Variants in ANKRD44 observed in about 807,000 individuals in gnomAD.
The protein encoded by ANKRD44 is ankyrin repeat domain 44, also known as serine/threonine-protein phosphatase 6 regulatory ankyrin repeat subunit B.
ANKRD44 carries 35 observed loss-of-function variants against 116.0 expected under a neutral mutation model. The ratio of observed to expected loss-of-function variants is 0.30; its 90% CI spans 0.23 to 0.40. ANKRD44 has a LOEUF of 0.40. Among genes scored for constraint, ANKRD44 ranks in the 10% least tolerant of loss-of-function variants. The pLI, the probability that ANKRD44 is intolerant of heterozygous loss-of-function variation, is 1.00. For synonymous variants in ANKRD44, 435 were observed against 461.8 expected (o/e 0.94, Z 0.74); for missense variants, 1,014 against 1,242.6 (o/e 0.82, Z 2.77).
chr2:197,153,685 T>G (rs530417488), intron 2 of ANKRD44, among the ~76,000 whole-genome samples: 45 of 152,376 alleles, frequency 3.0e-4, no homozygotes, highest in Non-Finnish European at 6.2e-4. Flanking sequence ...GTCCCATATG[T>G]GCCCACCAGC....
At chr2:197,156,953 TG>T (rs1394064197) in intron 2 of ANKRD44, among the ~76,000 whole-genome samples, 1 of 152,082 alleles carries the variant, frequency 6.6e-6, no homozygotes, top group Non-Finnish European at 1.5e-5. Flanking sequence ...AGGGAGAGAC[TG>T]GGAGGGGTAG....
At chr2:196,979,554 CT>C (rs71012942) in intron 21 of ANKRD44, among the ~76,000 whole-genome samples, 31,177 of 59,156 alleles carry the variant, frequency 0.53, 8,609 homozygotes, top group Middle Eastern at 0.7. Flanking sequence ...AATAAGATGA[CT>C]TTTTTTTTTT....
At chr2:197,005,297 T>C (rs1420246277) in intron 21 of ANKRD44, among the ~76,000 whole-genome samples, 1 of 152,142 alleles carries the variant, frequency 6.6e-6, no homozygotes, top group Non-Finnish European at 1.5e-5. Flanking sequence ...GAACCATGCA[T>C]CTACTAGTAA....
intron 2 of ANKRD44, among the ~76,000 whole-genome samples, chr2:197,151,003 A>G (rs2079632745): frequency 6.6e-6 from 1 of 151,966 alleles, no homozygotes; most frequent in Admixed American, 6.6e-5. Context: ...GTTTCCACTG[A>G]GCATTCACAT....
chr2:197,103,825 T>C (rs1429940420), intron 9 of ANKRD44, among the ~76,000 whole-genome samples: 1 of 152,162 alleles, frequency 6.6e-6, no homozygotes, highest in African/African-American at 2.4e-5. Context: ...TTCCTCCCAG[T>C]TGTATGTATG....
At chr2:197,272,730 C>A (rs1229101502) in intron 1 of ANKRD44, among the ~76,000 whole-genome samples, 1 of 152,174 alleles carries the variant, frequency 6.6e-6, no homozygotes, top group African/African-American at 2.4e-5. Context: ...GAGGACGCAG[C>A]AGGAAGACAG....
intron 21 of ANKRD44, among the ~76,000 whole-genome samples, chr2:196,970,416 G>A (rs1559387913): frequency 6.6e-6 from 1 of 152,132 alleles, no homozygotes; most frequent in Non-Finnish European, 1.5e-5. Flanking sequence ...GCTTTAAGCT[G>A]TTTGAGTTCA....
At position 197,099,666 on chromosome 2, in the gene ANKRD44, T is replaced by G. The variant is rs1338668617; in HGVS notation, c.1100+150A>C. The G allele has an allele frequency of 3.0e-6, 4 of 1,325,150 alleles. No homozygotes were observed. In the Admixed American group the frequency reaches 1.4e-4, roughly 48 times the overall value. The allele number at this position is 1,325,150 out of a possible 1,614,324, so 82.1% of individuals were successfully genotyped here. A position where few individuals can be genotyped will look rare whatever the true frequency, so the allele number is the denominator to read the frequency against. ...TTTGCCTCTGTCATTAAAAGGCACT[T>G]AATTTATTTAAAATTTAATTTGTAT... On this transcript the variant is annotated intron_variant, in intron 10 of 27. Coordinates refer to ENST00000282272, the MANE Select transcript of ANKRD44 (RefSeq NM_001195144.2).
chr2:197,235,713 T>A (rs555066579), intron 1 of ANKRD44, among the ~76,000 whole-genome samples: 224 of 151,436 alleles, frequency 1.5e-3, no homozygotes, highest in African/African-American at 5.0e-3. Context: ...ATACAAATAT[T>A]ATACAATACA....
chr2:197,267,298 A>G (rs2082767036), intron 1 of ANKRD44, among the ~76,000 whole-genome samples: 1 of 152,036 alleles, frequency 6.6e-6, no homozygotes, highest in African/African-American at 2.4e-5. Flanking sequence ...CTTTAATGTA[A>G]TTTTTCAGCT....
chr2:197,294,634 T>C (rs1194346846), intron 1 of ANKRD44, among the ~76,000 whole-genome samples: 3 of 152,144 alleles, frequency 2.0e-5, no homozygotes, highest in African/African-American at 7.2e-5. Flanking sequence ...ACACAGAAAT[T>C]ACCAGACTTA....
chr2:197,080,936 C>G lies in ANKRD44; in HGVS notation c.1538+709G>C, dbSNP rs118131257. On this transcript the variant is annotated intron_variant, in intron 15 of 27. Coordinates refer to ENST00000282272, the MANE Select transcript of ANKRD44 (RefSeq NM_001195144.2). ...CAATTCGTTTGTTTGTTCATTTACTCAACAGTTATTGAATATTGACTATGT... is the reference window on the plus strand; with the variant it reads ...CAATTCGTTTGTTTGTTCATTTACTGAACAGTTATTGAATATTGACTATGT... Among the ~76,000 whole-genome samples the G allele has an allele frequency of 2.5e-3, 376 of 152,328 alleles. 1 individual carries two copies. Among genetic ancestry groups the G allele is most frequent in the East Asian group, 0.016 (83 of 5,188 alleles).
intron 20 of ANKRD44, among the ~76,000 whole-genome samples, chr2:197,007,231 A>C (rs934809373): frequency 2.0e-5 from 3 of 152,236 alleles, no homozygotes; most frequent in African/African-American, 7.2e-5. Context: ...CATTGAAATA[A>C]ACTATGACAC....
intron 16 of ANKRD44, among the ~76,000 whole-genome samples, chr2:197,060,104 T>C (rs2077279235): frequency 6.6e-6 from 1 of 152,330 alleles, no homozygotes; most frequent in South Asian, 2.1e-4. Flanking sequence ...TAGGACATCA[T>C]GTTTTATCTT....
chr2:197,043,371 C>T (rs1430368709), intron 16 of ANKRD44, among the ~76,000 whole-genome samples: 5 of 151,912 alleles, frequency 3.3e-5, no homozygotes, highest in Non-Finnish European at 5.9e-5. Context: ...TTTGACAAGG[C>T]TTTTTAAAAA....
At chr2:197,170,900 G>T (rs1266269560) in intron 2 of ANKRD44, among the ~76,000 whole-genome samples, 1 of 152,156 alleles carries the variant, frequency 6.6e-6, no homozygotes, top group East Asian at 1.9e-4. Flanking sequence ...ATGGGGCCGG[G>T]GGTGGTGGAG....
intron 22 of ANKRD44, 23 bp downstream of exon 22, chr2:197,001,727 CATT>C: frequency 6.5e-7 from 1 of 1,535,214 alleles, no homozygotes. Flanking sequence ...AAAGCAACAT[CATT>C]AACTCTCAGC....
intron 2 of ANKRD44, among the ~76,000 whole-genome samples, chr2:197,152,384 G>A (rs1382684748): frequency 6.6e-6 from 1 of 152,188 alleles, no homozygotes; most frequent in East Asian, 1.9e-4. Flanking sequence ...ATCACAAAAA[G>A]GAAGGTCTTT....
intron 21 of ANKRD44, among the ~76,000 whole-genome samples, chr2:196,968,173 A>G (rs1269931040): frequency 2.0e-5 from 3 of 152,136 alleles, no homozygotes; most frequent in Admixed American, 2.0e-4. Flanking sequence ...TCAAGTCCAT[A>G]GCAACTTAAA....
Sources: allele counts gnomAD v4.1 joint callset (sites outside exome capture counted in the v4.1 genomes callset), GRCh38; gene constraint gnomAD v4.1.1; transcripts MANE v1.5; gene names NCBI Gene and HGNC (gene_info 2026-07-23, HGNC 2026-07-21).